NUP62CL: variants seen among roughly 807,000 people sequenced by gnomAD.
NUP62CL encodes the protein nucleoporin-62 C-terminal-like protein.
A neutral mutation model predicts 15.3 loss-of-function variants in NUP62CL; 13 were observed. The ratio of observed to expected loss-of-function variants is 0.85; its 90% confidence interval spans 0.55 to 1.35. NUP62CL has a LOEUF of 1.35. Among genes scored for constraint, NUP62CL ranks in the 40% most tolerant of loss-of-function variants. NUP62CL has a pLI of 0.00. For missense variants in NUP62CL, 123 were observed against 130.6 expected (o/e 0.94, Z 0.28); for synonymous variants, 54 against 49.2 (o/e 1.10, Z -0.41).
chrX:107,161,889 G>C (rs1926393827), intron 4 of NUP62CL, among the ~76,000 whole-genome samples: 1 of 87,867 alleles, frequency 1.1e-5, no homozygotes, highest in Non-Finnish European at 2.3e-5. Context: ...AAAGAGAAAA[G>C]GCAACAGATG....
chrX:107,170,134 C>T lies in NUP62CL; in HGVS notation c.59-2350G>A, dbSNP rs149373822. Among the ~76,000 whole-genome samples the T allele has an allele frequency of 6.7e-3, 691 of 102,433 alleles. 6 individuals are homozygous for T. Among genetic ancestry groups the T allele is most frequent in the African/African-American group, 0.024 (646 of 27,213 alleles). 89.0% of individuals were successfully genotyped at this position (102,433 alleles called of 115,157 possible). ...AGTGAGCGACAGAGCGAGATTCTGT[C>T]TCAAAAAAAATAAAAGAAAAAGAAA... On this transcript the variant is annotated intron_variant, in intron 3 of 8. Transcript: ENST00000372466.
At chrX:107,180,587 C>G (rs1926894652) in intron 2 of NUP62CL, among the ~76,000 whole-genome samples, 1 of 111,336 alleles carries the variant, frequency 9.0e-6, no homozygotes, top group Non-Finnish European at 1.9e-5. Context: ...AGTTAAAAAG[C>G]AAGGTACAGA....
chrX:107,138,486 T>G (rs887211815), intron 8 of NUP62CL, among the ~76,000 whole-genome samples: 6 of 111,743 alleles, frequency 5.4e-5, no homozygotes, highest in Non-Finnish European at 1.1e-4. Flanking sequence ...ACAATTTGAT[T>G]AGAAAATGGA....
At chrX:107,169,806 G>T (rs1926603366) in intron 3 of NUP62CL, among the ~76,000 whole-genome samples, 1 of 103,930 alleles carries the variant, frequency 9.6e-6, no homozygotes, top group Non-Finnish European at 2.0e-5. Context: ...AAGACAGAAA[G>T]AAATTTTTTT....
intron 3 of NUP62CL, among the ~76,000 whole-genome samples, chrX:107,170,538 G>A (rs1216132827): frequency 1.9e-5 from 2 of 108,081 alleles, no homozygotes; most frequent in Admixed American, 2.0e-4. Context: ...TCAGCCTCCC[G>A]AGTAGCTGGG....
At chrX:107,163,162 C>A (rs1004668830) in intron 4 of NUP62CL, among the ~76,000 whole-genome samples, 1 of 111,600 alleles carries the variant, frequency 9.0e-6, no homozygotes, top group Non-Finnish European at 1.9e-5. Flanking sequence ...AAAATTATAA[C>A]CCCATGTGAT....
intron 8 of NUP62CL, among the ~76,000 whole-genome samples, chrX:107,140,708 T>C (rs1292066684): frequency 8.9e-6 from 1 of 112,392 alleles, no homozygotes; most frequent in Non-Finnish European, 1.9e-5. Context: ...AATTTTTTAA[T>C]AAAAAGTATT....
intron 8 of NUP62CL, among the ~76,000 whole-genome samples, chrX:107,135,511 C>A (rs1376601044): frequency 1.8e-5 from 2 of 111,036 alleles, no homozygotes; most frequent in African/African-American, 6.6e-5. Flanking sequence ...TGTGAGATTA[C>A]CCTGGACTGC....
At chrX:107,192,056 G>A (rs1927256799) in intron 2 of NUP62CL, among the ~76,000 whole-genome samples, 1 of 111,574 alleles carries the variant, frequency 9.0e-6, no homozygotes, top group South Asian at 3.8e-4. Flanking sequence ...AAAGACATGA[G>A]GCTATCAGTG....
chrX:107,152,117 G>GATATATAT (rs3072230), intron 7 of NUP62CL, among the ~76,000 whole-genome samples: 2 of 34,744 alleles, frequency 5.8e-5, no homozygotes, highest in African/African-American at 3.1e-4. Flanking sequence ...TATATATTCA[G>GATATATAT]ATATATATAT....
chrX:107,165,289 A>G (rs1926490680), intron 4 of NUP62CL, among the ~76,000 whole-genome samples: 1 of 109,364 alleles, frequency 9.1e-6, no homozygotes, highest in Non-Finnish European at 1.9e-5. Flanking sequence ...TGGGCGTCAC[A>G]GTGAGACTCT....
At chrX:107,193,764 A>T (rs1927301791) in intron 1 of NUP62CL, among the ~76,000 whole-genome samples, 1 of 111,297 alleles carries the variant, frequency 9.0e-6, no homozygotes, top group African/African-American at 3.3e-5. Flanking sequence ...CTTTAGACCT[A>T]AGAAAATGAG....
intron 2 of NUP62CL, among the ~76,000 whole-genome samples, chrX:107,179,254 C>T (rs1444325186): frequency 2.7e-5 from 3 of 111,379 alleles, no homozygotes; most frequent in Admixed American, 9.5e-5. Context: ...TGCCCATTTT[C>T]ACATCAAAGA....
intron 7 of NUP62CL, 83 bp from the exon 8 acceptor site, chrX:107,147,892 A>C: frequency 1.3e-6 from 1 of 762,177 alleles, no homozygotes; most frequent in East Asian, 3.2e-5. Flanking sequence ...GACATTAGGA[A>C]GTGACTTTTA....
chrX:107,143,594 GA>G (rs1191181438), intron 8 of NUP62CL, among the ~76,000 whole-genome samples: 1 of 110,687 alleles, frequency 9.0e-6, no homozygotes, highest in East Asian at 2.8e-4. Flanking sequence ...TTTTATGATG[GA>G]AAAAAATGTG....
At chrX:107,174,152 C>CT (rs1427020795) in intron 3 of NUP62CL, among the ~76,000 whole-genome samples, 2,796 of 68,682 alleles carry the variant, frequency 0.041, 194 homozygotes, top group African/African-American at 0.14. Context: ...TCTTCCTTTC[C>CT]TTTTTTTTTT....
At chrX:107,199,458 T>C (rs1602668974) in intron 1 of NUP62CL, among the ~76,000 whole-genome samples, 1 of 112,502 alleles carries the variant, frequency 8.9e-6, no homozygotes, top group East Asian at 2.8e-4. Context: ...TAAATGATTT[T>C]GAGAGTAATC....
chrX:107,174,618 C>T (rs1050318854), intron 3 of NUP62CL, among the ~76,000 whole-genome samples: 1 of 111,457 alleles, frequency 9.0e-6, no homozygotes, highest in Non-Finnish European at 1.9e-5. Context: ...CAATTAGAAC[C>T]CCAAAACTAC....
intron 3 of NUP62CL, among the ~76,000 whole-genome samples, chrX:107,168,375 C>A (rs1488550226): frequency 1.8e-5 from 2 of 111,640 alleles, no homozygotes; most frequent in Admixed American, 9.5e-5. Flanking sequence ...TTTGCAAACC[C>A]TAGTCAAAAG....
Sources: allele counts gnomAD v4.1 joint callset (sites outside exome capture counted in the v4.1 genomes callset), GRCh38; gene constraint gnomAD v4.1.1; transcripts MANE v1.5; gene names NCBI Gene and HGNC (gene_info 2026-07-23, HGNC 2026-07-21).